The following NPRL3 variants were observed in gnomAD, a reference collection of about 807,000 sequenced individuals.
The protein encoded by NPRL3 is GATOR1 complex protein NPRL3.
A neutral mutation model predicts 57.2 loss-of-function variants in NPRL3; 23 were observed. That is an observed-to-expected ratio of 0.40 (90% CI 0.29 to 0.57). NPRL3 has a LOEUF of 0.57. NPRL3 is among the 20% of genes least tolerant of loss of function. The pLI, the probability that NPRL3 is intolerant of heterozygous loss-of-function variation, is 0.42. For missense variants in NPRL3, 691 were observed against 767.1 expected (o/e 0.90, Z 1.17); for synonymous variants, 333 against 321.1 (o/e 1.04, Z -0.39).
intron 5 of NPRL3, among the ~76,000 whole-genome samples, chr16:114,982 C>CTT (rs531876685): frequency 6.9e-6 from 1 of 144,720 alleles, no homozygotes; most frequent in African/African-American, 2.5e-5. Context: ...AAGTGTATTT[C>CTT]TTTTTTTTTT....
intron 7 of NPRL3, among the ~76,000 whole-genome samples, chr16:109,881 C>T (rs907380217): frequency 6.6e-6 from 1 of 152,206 alleles, no homozygotes; most frequent in African/African-American, 2.4e-5. Context: ...ATCCCTTGTT[C>T]ATTCTTCTAT....
At chr16:88,609 AT>A in intron 13 of NPRL3, 88 bp downstream of exon 13, 1 of 1,175,822 alleles carries the variant, frequency 8.5e-7, no homozygotes, top group Non-Finnish European at 1.2e-6. Context: ...TTCTCAGTGG[AT>A]TTGGTGGTTC....
intron 7 of NPRL3, among the ~76,000 whole-genome samples, chr16:102,715 CCAGG>C (rs1386591230): frequency 2.6e-5 from 4 of 152,178 alleles, no homozygotes; most frequent in Non-Finnish European, 4.4e-5. Context: ...TCTGGCTGCC[CCAGG>C]CCAGAAGGTA....
chr16:91,389 A>C (rs1191698629), intron 11 of NPRL3, among the ~76,000 whole-genome samples: 1 of 152,180 alleles, frequency 6.6e-6, no homozygotes, highest in Non-Finnish European at 1.5e-5. Flanking sequence ...CAATAAACCA[A>C]AAATAAAACA....
At chr16:94,527 T>C (rs1390836480) in intron 9 of NPRL3, among the ~76,000 whole-genome samples, 1 of 152,182 alleles carries the variant, frequency 6.6e-6, no homozygotes, top group African/African-American at 2.4e-5. Context: ...GGCAGGAGGA[T>C]CGCCTGAACC....
intron 3 of NPRL3, among the ~76,000 whole-genome samples, chr16:121,452 C>T (rs139776004): frequency 0.011 from 1,683 of 152,128 alleles, 37 homozygotes; most frequent in African/African-American, 0.038. Context: ...ATGAAACCCC[C>T]GTCTCTACTA....
chr16:107,758 C>A (rs1214301700), intron 7 of NPRL3, among the ~76,000 whole-genome samples: 2 of 152,238 alleles, frequency 1.3e-5, no homozygotes, highest in Non-Finnish European at 2.9e-5. Context: ...AACTCCTGGG[C>A]TCAAGTGATC....
At chr16:130,616 A>C (rs1335096180) in intron 2 of NPRL3, 25 bp from the exon 3 acceptor site, 1 of 1,551,240 alleles carries the variant, frequency 6.4e-7, no homozygotes, top group African/African-American at 1.4e-5. Context: ...AAAGAGGGGA[A>C]GGGCTAAGAA....
At chr16:133,581 G>A (rs1195826507) in intron 2 of NPRL3, among the ~76,000 whole-genome samples, 1 of 152,194 alleles carries the variant, frequency 6.6e-6, no homozygotes, top group Non-Finnish European at 1.5e-5. Flanking sequence ...ATGTTGCCCA[G>A]GCTAGATTTA....
chr16:117,498 T>A, intron 4 of NPRL3, 123 bp from the exon 5 acceptor site: 1 of 653,302 alleles, frequency 1.5e-6, no homozygotes, highest in Non-Finnish European at 2.6e-6. Context: ...GGAAAAGCAA[T>A]GAATGCCTTT....
rs1567135052 is a variant in NPRL3, at chr16:100,902, TGGA to T, written c.630-396_630-394del. 2.3e-5 allele frequency among the ~76,000 whole-genome samples: 3 copies of T among 129,266 alleles called. No individual in the cohort carries two copies. The East Asian group carries it at 6.9e-4, about 30-fold the overall frequency. 84.8% of individuals were successfully genotyped at this position (129,266 alleles called of 152,430 possible). A position where few individuals can be genotyped will look rare whatever the true frequency, so the allele number is the denominator to read the frequency against. On this transcript the variant is annotated intron_variant, in intron 7 of 13. Coordinates refer to ENST00000611875, the MANE Select transcript of NPRL3 (RefSeq NM_001077350.3). ...AGGAGAATCACTTGAACCCAGGAGG[TGGA>T]GGTTGCAGTGAGCTAACATCACGCC...
chr16:88,943 G>T, intron 12 of NPRL3, 53 bp from the exon 13 acceptor site: 1 of 1,540,916 alleles, frequency 6.5e-7, no homozygotes, highest in South Asian at 1.2e-5. Context: ...ACACCCAGGG[G>T]AACAGCGAGG....
At chr16:120,208 A>G (rs377471761) in intron 3 of NPRL3, among the ~76,000 whole-genome samples, 1 of 152,192 alleles carries the variant, frequency 6.6e-6, no homozygotes, top group Admixed American at 6.5e-5. Context: ...CAGGAAAAAT[A>G]TATCTAATAT....
In NPRL3 at chr16:124,160, C is replaced by A. The variant is rs575854878; in HGVS notation, c.189-4905G>T. On this transcript the variant is annotated intron_variant, in intron 3 of 13. Transcript: ENST00000611875. The stretch of plus-strand genomic sequence containing the variant: ...CCCCACGCTGAGAAACAGGGTCACA[C>A]GCTCCCCACGCTCAACGCTTACCAT... 7.2e-5 allele frequency among the ~76,000 whole-genome samples: 11 copies of A among 152,148 alleles called. No homozygotes were observed. In the South Asian group the frequency reaches 1.9e-3, roughly 26 times the overall value.
chr16:94,087 G>A (rs1046120336), intron 9 of NPRL3, among the ~76,000 whole-genome samples: 2 of 135,288 alleles, frequency 1.5e-5, no homozygotes, highest in Non-Finnish European at 1.6e-5. Flanking sequence ...GGCCTTGCCC[G>A]ATGATGGGTG....
At chr16:131,871 A>G (rs909490478) in intron 2 of NPRL3, among the ~76,000 whole-genome samples, 1 of 152,210 alleles carries the variant, frequency 6.6e-6, no homozygotes, top group Non-Finnish European at 1.5e-5. Context: ...CAGAATTGGA[A>G]GCAATGCTCT....
chr16:128,103 T>A (rs2141977436), intron 3 of NPRL3, among the ~76,000 whole-genome samples: 1 of 152,044 alleles, frequency 6.6e-6, no homozygotes, highest in Non-Finnish European at 1.5e-5. Context: ...GTGATTCTCC[T>A]GCCTTAGCCT....
chr16:94,901 C>A (rs960685803), intron 9 of NPRL3, among the ~76,000 whole-genome samples: 4 of 152,100 alleles, frequency 2.6e-5, no homozygotes, highest in Non-Finnish European at 5.9e-5. Context: ...AAGATGCTGT[C>A]CATTCTGGAA....
chr16:132,357 A>C (rs1426219606), intron 2 of NPRL3, among the ~76,000 whole-genome samples: 1 of 152,122 alleles, frequency 6.6e-6, no homozygotes, highest in East Asian at 1.9e-4. Context: ...TCATCCGTTC[A>C]AGTTTTATCG....
Sources: gnomAD v4.1 joint callset for allele counts (sites outside exome capture counted in the v4.1 genomes callset) on GRCh38, gnomAD v4.1.1 for gene constraint, MANE v1.5 for transcripts, NCBI Gene and HGNC (gene_info 2026-07-23, HGNC 2026-07-21) for gene names.